Variants in GRIK2 observed in about 807,000 individuals in gnomAD.
The protein encoded by GRIK2 is glutamate ionotropic receptor kainate type subunit 2.
Under a neutral mutation model 100.3 loss-of-function variants are expected in GRIK2, and 32 were observed. That is an observed-to-expected ratio of 0.32 (90% CI 0.24 to 0.43). The LOEUF is 0.43. Ranked by LOEUF, GRIK2 falls within the 20% of genes least tolerant of loss-of-function variation. The pLI, the probability that GRIK2 is intolerant of heterozygous loss-of-function variation, is 1.00. For missense variants in GRIK2, 843 were observed against 1,114.9 expected (o/e 0.76, Z 3.47); for synonymous variants, 417 against 389.4 (o/e 1.07, Z -0.83).
chr6:101,943,119 G>A (rs963638246), intron 14 of GRIK2, among the ~76,000 whole-genome samples: 5 of 152,186 alleles, frequency 3.3e-5, no homozygotes, highest in African/African-American at 1.2e-4. Flanking sequence ...CTCCAGCCAT[G>A]GCTCTAAGGA....
intron 7 of GRIK2, among the ~76,000 whole-genome samples, chr6:101,728,101 C>G (rs898701860): frequency 4.0e-5 from 6 of 151,712 alleles, no homozygotes; most frequent in Non-Finnish European, 1.5e-5. Flanking sequence ...TCAAAAATAT[C>G]TAATTTGAAA....
At chr6:101,593,921 A>G (rs1358235634) in intron 2 of GRIK2, among the ~76,000 whole-genome samples, 2 of 151,852 alleles carry the variant, frequency 1.3e-5, no homozygotes, top group African/African-American at 2.4e-5. Context: ...ATGCCTCCCC[A>G]TGAAAAATGT....
chr6:101,821,654 TA>T (rs201968526), intron 10 of GRIK2, among the ~76,000 whole-genome samples: 6 of 151,622 alleles, frequency 4.0e-5, no homozygotes, highest in African/African-American at 9.7e-5. Context: ...ACCTTTTAGT[TA>T]AAAAAAAATT....
rs190947787 is a variant in GRIK2 at position 101,549,497 on chromosome 6, A to G, written c.116-72452A>G. Among the ~76,000 whole-genome samples, 759 of 152,208 alleles carry G rather than the reference A, an allele frequency of 5.0e-3. 5 individuals carry two copies. Among genetic ancestry groups the G allele is most frequent in the Middle Eastern group, 6.8e-3 (2 of 294 alleles). On this transcript the variant is annotated intron_variant, in intron 2 of 16. Coordinates refer to ENST00000369134, the MANE Select transcript of GRIK2 (RefSeq NM_021956.5). Reference sequence around the variant, plus strand: ...CATTGTGTGTCTCTGCTGGCAATATATATACAATGACCTTACTCACCTTCC... The same window carrying G: ...CATTGTGTGTCTCTGCTGGCAATATGTATACAATGACCTTACTCACCTTCC...
At chr6:101,498,727 C>T (rs1298819264) in intron 2 of GRIK2, among the ~76,000 whole-genome samples, 3 of 151,542 alleles carry the variant, frequency 2.0e-5, no homozygotes, top group African/African-American at 7.3e-5. Flanking sequence ...TTGTTTTTTT[C>T]TTGTAAATTT....
chr6:101,986,006 T>C (rs928589081), intron 14 of GRIK2, among the ~76,000 whole-genome samples: 4 of 151,844 alleles, frequency 2.6e-5, no homozygotes, highest in African/African-American at 9.7e-5. Flanking sequence ...ATTTCCCACC[T>C]AAAGTTTATG....
chr6:101,743,678 C>A (rs890809085), intron 7 of GRIK2, among the ~76,000 whole-genome samples: 1 of 152,076 alleles, frequency 6.6e-6, no homozygotes, highest in Non-Finnish European at 1.5e-5. Context: ...CCCTCAATTT[C>A]ATTCATGATA....
At chr6:101,858,639 T>C (rs1427540665) in intron 10 of GRIK2, among the ~76,000 whole-genome samples, 1 of 152,050 alleles carries the variant, frequency 6.6e-6, no homozygotes, top group Non-Finnish European at 1.5e-5. Flanking sequence ...TCTGCCCGCC[T>C]TGGCCTCCCA....
At chr6:101,680,242 A>T (rs146025462) in intron 5 of GRIK2, among the ~76,000 whole-genome samples, 6 of 152,132 alleles carry the variant, frequency 3.9e-5, no homozygotes, top group South Asian at 2.1e-4. Context: ...TCTCCTCAAC[A>T]ACTTCCCCTA....
chr6:101,496,598 G>C (rs1441144659), intron 2 of GRIK2, among the ~76,000 whole-genome samples: 1 of 152,144 alleles, frequency 6.6e-6, no homozygotes, highest in Non-Finnish European at 1.5e-5. Context: ...CAGTGACCAA[G>C]ATAAACACAA....
chr6:101,731,778 C>T (rs765712278), intron 7 of GRIK2, among the ~76,000 whole-genome samples: 1 of 151,844 alleles, frequency 6.6e-6, no homozygotes, highest in Non-Finnish European at 1.5e-5. Context: ...GTATGAAAGT[C>T]ACTTAAAACC....
rs1476431375 is a variant in GRIK2, at chr6:101,748,411, T to C, written c.952-51237T>C. On this transcript the variant is annotated intron_variant, in intron 7 of 16. Transcript: ENST00000369134. Reference sequence around the variant, plus strand: ...GTTAAATTAAAGGACAAATTAATGTTGGGAAATTCTGGGACAGCTAAAAGA... The same window carrying C: ...GTTAAATTAAAGGACAAATTAATGTCGGGAAATTCTGGGACAGCTAAAAGA... Among the ~76,000 whole-genome samples the C allele has an allele frequency of 2.0e-5, 3 of 152,084 alleles. No homozygotes were observed. In the East Asian group the frequency reaches 5.8e-4, roughly 29 times the overall value.
intron 2 of GRIK2, among the ~76,000 whole-genome samples, chr6:101,425,534 T>C (rs1776658237): frequency 6.6e-6 from 1 of 152,164 alleles, no homozygotes; most frequent in Non-Finnish European, 1.5e-5. Context: ...TTTTCCAAAA[T>C]GCATCTTTTT....
At chr6:101,554,076 G>C (rs185351447) in intron 2 of GRIK2, among the ~76,000 whole-genome samples, 1 of 152,166 alleles carries the variant, frequency 6.6e-6, no homozygotes, top group East Asian at 1.9e-4. Flanking sequence ...ACCAGAATTT[G>C]AGCTGTGTAT....
intron 14 of GRIK2, among the ~76,000 whole-genome samples, chr6:101,944,388 C>A (rs944638786): frequency 2.0e-5 from 3 of 152,244 alleles, no homozygotes; most frequent in South Asian, 2.1e-4. Context: ...GTCATAGACA[C>A]AGTTGTTAAT....
chr6:101,684,984 C>T (rs1373051905), intron 6 of GRIK2, among the ~76,000 whole-genome samples: 1 of 151,948 alleles, frequency 6.6e-6, no homozygotes, highest in East Asian at 1.9e-4. Flanking sequence ...ACAGAGTGAC[C>T]TTCCTGCTTC....
At chr6:101,476,062 T>C (rs1235234044) in intron 2 of GRIK2, among the ~76,000 whole-genome samples, 6 of 152,132 alleles carry the variant, frequency 3.9e-5, no homozygotes, top group African/African-American at 1.4e-4. Context: ...TGTTTTGTTT[T>C]AGTGAGGCAT....
rs548982962 is a variant in GRIK2, at chr6:101,395,627, G to T, written c.-294+1790G>T. On this transcript the variant is annotated intron_variant, in intron 1 of 16. Coordinates refer to ENST00000369134, the MANE Select transcript of GRIK2 (RefSeq NM_021956.5). ...CTCAAGTAATAGTGCCCAAGAATAAGAGGTCATTAGTATCTGCAAATATAA... is the reference window on the plus strand; with the variant it reads ...CTCAAGTAATAGTGCCCAAGAATAATAGGTCATTAGTATCTGCAAATATAA... Among the ~76,000 whole-genome samples the T allele has an allele frequency of 2.6e-5, 4 of 152,322 alleles. No homozygotes were observed. In the East Asian group the frequency reaches 5.8e-4, roughly 22 times the overall value.
intron 7 of GRIK2, among the ~76,000 whole-genome samples, chr6:101,733,942 C>T (rs1420846411): frequency 2.6e-5 from 4 of 152,048 alleles, no homozygotes; most frequent in African/African-American, 7.2e-5. Flanking sequence ...CCATCTGACA[C>T]ATCACCAGAA....
Sources: gnomAD v4.1 joint callset for allele counts (sites outside exome capture counted in the v4.1 genomes callset) on GRCh38, gnomAD v4.1.1 for gene constraint, MANE v1.5 for transcripts, NCBI Gene and HGNC (gene_info 2026-07-23, HGNC 2026-07-21) for gene names.